SIPA1L3: variants seen among roughly 807,000 people sequenced by gnomAD.
SIPA1L3 encodes the protein signal-induced proliferation-associated 1-like protein 3.
In SIPA1L3, 59 loss-of-function variants were observed where a neutral mutation model predicts 150.1. The observed-to-expected ratio is 0.39, with a 90% CI of 0.32 to 0.49. The LOEUF (loss-of-function observed/expected upper bound fraction) is 0.49, where lower values mean the gene tolerates loss of function less well. Ranked by LOEUF, SIPA1L3 falls within the 20% of genes least tolerant of loss-of-function variation. SIPA1L3 has a pLI of 0.86. For missense variants in SIPA1L3, 2,211 were observed against 2,489.5 expected (o/e 0.89, Z 2.38); for synonymous variants, 1,070 against 1,077.6 (o/e 0.99, Z 0.14).
At chr19:38,162,397 A>T in intron 14 of SIPA1L3, 26 bp downstream of exon 14, 1 of 1,577,624 alleles carries the variant, frequency 6.3e-7, no homozygotes, top group Non-Finnish European at 8.7e-7. Flanking sequence ...ACCCTGCCCT[A>T]CCGGGGGAGC....
intron 16 of SIPA1L3, among the ~76,000 whole-genome samples, chr19:38,187,154 TA>T (rs1344642374): frequency 6.7e-6 from 1 of 149,192 alleles, no homozygotes; most frequent in African/African-American, 2.5e-5. Context: ...CCCACCTGCA[TA>T]AAAAAATTTT....
intron 1 of SIPA1L3, among the ~76,000 whole-genome samples, chr19:37,941,087 T>TACACACACACACACACACACAC (rs59368800): frequency 2.3e-5 from 3 of 128,548 alleles, no homozygotes; most frequent in East Asian, 2.4e-4. Flanking sequence ...CACACACACA[T>TACACACACACACACACACACAC]ACACACACAC....
At chr19:38,049,809 C>T (rs1969148897) in intron 2 of SIPA1L3, among the ~76,000 whole-genome samples, 1 of 152,016 alleles carries the variant, frequency 6.6e-6, no homozygotes. Flanking sequence ...CTTCCCCATA[C>T]CTCTCGCCAC....
intron 14 of SIPA1L3, among the ~76,000 whole-genome samples, chr19:38,162,635 C>T (rs1019087141): frequency 6.6e-6 from 1 of 152,252 alleles, no homozygotes; most frequent in Non-Finnish European, 1.5e-5. Context: ...GCTGCTGTAA[C>T]AGACAGCCCC....
chr19:38,071,772 A>T (rs1009223811), intron 2 of SIPA1L3, among the ~76,000 whole-genome samples: 1 of 152,176 alleles, frequency 6.6e-6, no homozygotes, highest in African/African-American at 2.4e-5. Flanking sequence ...ATGGACAGGA[A>T]ATGTGAGCAA....
intron 20 of SIPA1L3, chr19:38,203,881 TG>T (rs1007720728): frequency 3.2e-5 from 17 of 524,308 alleles, no homozygotes; most frequent in African/African-American, 3.1e-4. Flanking sequence ...CACTTAAGGG[TG>T]GGCAGCCACC....
intron 4 of SIPA1L3, among the ~76,000 whole-genome samples, chr19:38,090,026 T>C (rs1371201445): frequency 1.3e-5 from 2 of 152,070 alleles, no homozygotes; most frequent in Admixed American, 1.3e-4. Context: ...CTTTGCACTG[T>C]CTCTTCCAAA....
intron 8 of SIPA1L3, among the ~76,000 whole-genome samples, chr19:38,113,937 A>G (rs567073354): frequency 2.6e-5 from 4 of 151,958 alleles, no homozygotes; most frequent in South Asian, 4.2e-4. Context: ...CCGAATGGCC[A>G]CCCGCATCAT....
rs866641225 is a variant in SIPA1L3, at chr19:38,182,530, C to T, written c.4220C>T (p.Ser1407Leu). The change falls in exon 16 of 22, where the codon TCG (serine) becomes TTG (leucine). Residue 1407 changes from serine to leucine, a missense_variant. By Grantham distance (145) the Ser-to-Leu change is moderately radical. Transcript: ENST00000222345. Reference protein sequence around the residue: ...DPPRQPSDMGSRVGYPAQVYK... With the variant: ...DPPRQPSDMGLRVGYPAQVYK... ...TTTTTGCTTTGCAGTGACATGGGCT[C>T]GAGGGTTGGCTACCCCGCTCAGGTT... The T allele has an allele frequency of 6.2e-6, 10 of 1,608,206 alleles. No individual in the cohort carries two copies. Among genetic ancestry groups the T allele is most frequent in the East Asian group, 2.2e-5 (1 of 44,754 alleles).
At chr19:38,041,930 C>T (rs951681596) in intron 2 of SIPA1L3, among the ~76,000 whole-genome samples, 1 of 152,168 alleles carries the variant, frequency 6.6e-6, no homozygotes, top group Non-Finnish European at 1.5e-5. Flanking sequence ...TAAGAGTTCT[C>T]CATAAATTTT....
chr19:38,142,598 T>C lies in SIPA1L3; in HGVS notation c.3421T>C (p.Tyr1141His), dbSNP rs940116839. 2 of 1,613,762 alleles carry C rather than the reference T, an allele frequency of 1.2e-6. No individual in the cohort carries two copies. The highest frequency in any genetic ancestry group is 1.7e-6 in the Non-Finnish European group (2 of 1,179,818). Reference protein sequence around the residue: ...KRPVSFPETPYTVSPAGADRV... With the variant: ...KRPVSFPETPHTVSPAGADRV... ...GCCTGTCAGCTTCCCAGAAACCCCT[T>C]ACACAGTATCACCAGCAGGGGCCGA... The change falls in exon 12 of 22, where the codon TAC becomes CAC. Residue 1141 changes from tyrosine to histidine, a missense_variant. Coordinates refer to ENST00000222345, the MANE Select transcript of SIPA1L3 (RefSeq NM_015073.3).
chr19:38,007,424 G>C (rs1261628564), intron 1 of SIPA1L3, among the ~76,000 whole-genome samples: 1 of 136,584 alleles, frequency 7.3e-6, no homozygotes, highest in Non-Finnish European at 1.5e-5. Flanking sequence ...TTGCACTCCA[G>C]TGCAGTGCAA....
intron 6 of SIPA1L3, 100 bp downstream of exon 6, chr19:38,101,326 G>A: frequency 1.2e-6 from 1 of 803,938 alleles, no homozygotes; most frequent in Non-Finnish European, 1.8e-6. Context: ...GGGACGTGGA[G>A]CAGTGGGAGC....
At chr19:38,123,798 TGGCGGCCG>T (rs1971089733) in intron 9 of SIPA1L3, among the ~76,000 whole-genome samples, 1 of 148,786 alleles carries the variant, frequency 6.7e-6, no homozygotes, top group African/African-American at 2.5e-5. Flanking sequence ...CCAGACGGGG[TGGCGGCCG>T]GGCAGAGGGG....
At chr19:38,178,116 TG>T in intron 15 of SIPA1L3, among the ~76,000 whole-genome samples, 1 of 151,266 alleles carries the variant, frequency 6.6e-6, no homozygotes, top group African/African-American at 2.4e-5. Flanking sequence ...TGTGTGTGTG[TG>T]TGTGTGTGTG....
At chr19:37,924,414 C>CTT (rs60960790) in intron 1 of SIPA1L3, among the ~76,000 whole-genome samples, 11,770 of 138,306 alleles carry the variant, frequency 0.085, 735 homozygotes, top group African/African-American at 0.18. Flanking sequence ...TGTTTTACAG[C>CTT]TTTTTTTTTT....
chr19:37,924,000 C>G (rs150808438), intron 1 of SIPA1L3, among the ~76,000 whole-genome samples: 71 of 152,242 alleles, frequency 4.7e-4, no homozygotes, highest in African/African-American at 1.5e-3. Context: ...GTCTCGAACT[C>G]CTACCCTCTG....
At chr19:37,946,370 C>A (rs1482003684) in intron 1 of SIPA1L3, among the ~76,000 whole-genome samples, 1 of 151,928 alleles carries the variant, frequency 6.6e-6, no homozygotes, top group South Asian at 2.1e-4. Context: ...TGGCCTCAAG[C>A]GATCCTCCCC....
intron 1 of SIPA1L3, among the ~76,000 whole-genome samples, chr19:38,003,809 A>G (rs781743170): frequency 1.3e-5 from 2 of 152,028 alleles, no homozygotes; most frequent in African/African-American, 2.4e-5. Flanking sequence ...CCCAGCTTGT[A>G]TTTGGTAGAG....
Sources: allele counts gnomAD v4.1 joint callset (sites outside exome capture counted in the v4.1 genomes callset), GRCh38; gene constraint gnomAD v4.1.1; transcripts MANE v1.5; gene names NCBI Gene and HGNC (gene_info 2026-07-23, HGNC 2026-07-21).